The following DTWD2 variants were observed in gnomAD, a reference collection of about 807,000 sequenced individuals.
DTWD2 encodes DTW motif tRNA-uridine aminocarboxypropyltransferase 2.
Under a neutral mutation model 31.8 loss-of-function variants are expected in DTWD2, and 39 were observed. The ratio of observed to expected loss-of-function variants is 1.22; its 90% confidence interval spans 0.95 to 1.60. The LOEUF is 1.60. Ranked by LOEUF, DTWD2 falls within the 40% of genes most tolerant of loss-of-function variation. The pLI is 0.00. For synonymous variants in DTWD2, 180 were observed against 142.8 expected (o/e 1.26, Z -1.86); for missense variants, 515 against 381.5 (o/e 1.35, Z -2.92).
At chr5:118,900,033 C>CTGACCCAAAT (rs1427293658) in intron 4 of DTWD2, among the ~76,000 whole-genome samples, 2 of 152,042 alleles carry the variant, frequency 1.3e-5, no homozygotes, top group African/African-American at 4.8e-5. Context: ...TCTCAAATTC[C>CTGACCCAAAT]TGACCCAAAT....
chr5:118,878,193 C>A (rs551855532), intron 4 of DTWD2, among the ~76,000 whole-genome samples: 1 of 152,034 alleles, frequency 6.6e-6, no homozygotes. Context: ...AAAAAGAGCC[C>A]AAATAGCCAA....
chr5:118,905,008 A>G (rs1451831304), intron 4 of DTWD2, among the ~76,000 whole-genome samples: 1 of 152,142 alleles, frequency 6.6e-6, no homozygotes, highest in Non-Finnish European at 1.5e-5. Flanking sequence ...AGAAACTTCC[A>G]AAGCATATTT....
intron 4 of DTWD2, among the ~76,000 whole-genome samples, chr5:118,919,539 T>C (rs930335117): frequency 1.3e-5 from 2 of 152,238 alleles, no homozygotes; most frequent in Non-Finnish European, 2.9e-5. Context: ...AGGGGCCAAG[T>C]GTTCTATGCT....
intron 3 of DTWD2, among the ~76,000 whole-genome samples, chr5:118,930,044 A>G (rs1753888833): frequency 6.6e-6 from 1 of 152,238 alleles, no homozygotes; most frequent in African/African-American, 2.4e-5. Context: ...TCAAGATGAC[A>G]TAAAAGCATC....
chr5:118,893,498 T>C (rs1032697103), intron 4 of DTWD2, among the ~76,000 whole-genome samples: 5 of 151,574 alleles, frequency 3.3e-5, no homozygotes, highest in Non-Finnish European at 5.9e-5. Flanking sequence ...ATAGAGGATA[T>C]GTGGAAATAA....
At chr5:118,843,621 T>C (rs1305153948) in intron 5 of DTWD2, among the ~76,000 whole-genome samples, 1 of 152,196 alleles carries the variant, frequency 6.6e-6, no homozygotes, top group Non-Finnish European at 1.5e-5. Context: ...AACTGAAGAT[T>C]CTATTGATAT....
intron 1 of DTWD2, among the ~76,000 whole-genome samples, chr5:118,944,995 A>G (rs1039805638): frequency 1.3e-5 from 2 of 152,232 alleles, no homozygotes; most frequent in Non-Finnish European, 2.9e-5. Context: ...TCTCATATCA[A>G]AGAGAAACCT....
chr5:118,925,905 T>A (rs1753798465), intron 4 of DTWD2, among the ~76,000 whole-genome samples: 1 of 150,980 alleles, frequency 6.6e-6, no homozygotes, highest in Non-Finnish European at 1.5e-5. Context: ...CTACTGGGTA[T>A]TTACCCAAAG....
chr5:118,867,958 A>G (rs185979459), intron 4 of DTWD2, among the ~76,000 whole-genome samples: 1 of 152,310 alleles, frequency 6.6e-6, no homozygotes, highest in Admixed American at 6.5e-5. Context: ...AATAAACTGC[A>G]AATAGTCAAA....
chr5:118,846,909 C>G (rs1050896903), intron 5 of DTWD2, among the ~76,000 whole-genome samples: 1 of 138,632 alleles, frequency 7.2e-6, no homozygotes, highest in Non-Finnish European at 1.5e-5. Context: ...AAAGTCTACT[C>G]AAACACACAG....
intron 4 of DTWD2, among the ~76,000 whole-genome samples, chr5:118,866,306 A>G (rs917291597): frequency 3.3e-5 from 5 of 152,194 alleles, no homozygotes; most frequent in Admixed American, 1.3e-4. Flanking sequence ...TTTAAAAAAA[A>G]TCATCAAAAG....
intron 1 of DTWD2, among the ~76,000 whole-genome samples, chr5:118,948,920 C>A (rs1754398297): frequency 6.6e-6 from 1 of 152,032 alleles, no homozygotes. Context: ...AAGTACCTAA[C>A]CATGCTAGGA....
At chr5:118,882,956 T>C (rs771853040) in intron 4 of DTWD2, among the ~76,000 whole-genome samples, 3 of 152,194 alleles carry the variant, frequency 2.0e-5, no homozygotes, top group Non-Finnish European at 4.4e-5. Flanking sequence ...CCCCAGAAAA[T>C]GGGTTTTTGT....
rs1285508875 is a variant in DTWD2, at chr5:118,919,948, G to A, written c.597+8589C>T. On this transcript the variant is annotated intron_variant, in intron 4 of 5. Coordinates refer to ENST00000510708, the MANE Select transcript of DTWD2 (RefSeq NM_173666.4). Reference sequence around the variant, plus strand: ...GTTTGAAACAGTAGTAGAAAACTAGGATCCCCACCAATTAGTCTCCTTTCT... The same window carrying A: ...GTTTGAAACAGTAGTAGAAAACTAGAATCCCCACCAATTAGTCTCCTTTCT... 2.6e-5 allele frequency among the ~76,000 whole-genome samples: 4 copies of A among 151,990 alleles called. No individual in the cohort carries two copies. In the South Asian group the frequency reaches 8.3e-4, roughly 32 times the overall value.
rs1267778724 is a variant in DTWD2, at chr5:118,838,069, T to A, written c.*2848A>T. 6.6e-6 allele frequency: 1 copy of A among 152,196 alleles called. No homozygotes were observed. Among genetic ancestry groups the A allele is most frequent in the Non-Finnish European group, 1.5e-5 (1 of 68,040 alleles). The allele number at this position is 152,196 out of a possible 1,614,324, so 9.4% of individuals were successfully genotyped here. A position where few individuals can be genotyped will look rare whatever the true frequency, so the allele number is the denominator to read the frequency against. On this transcript the variant is annotated 3_prime_UTR_variant, in exon 6 of 6. Transcript: ENST00000510708. ...AAATAATTTTTTCCCAATATAATTC[T>A]CCTATTCCACATAAGTCTTATAATC... is the stretch of plus-strand genomic sequence containing the variant.
Position 118,854,514 on chromosome 5 carries a change from G to GA in DTWD2, c.598-6297dup, listed in dbSNP as rs144467780. Among the ~76,000 whole-genome samples the GA allele has an allele frequency of 4.9e-3, 716 of 147,504 alleles. 7 individuals are homozygous for GA. Among genetic ancestry groups the GA allele is most frequent in the African/African-American group, 0.016 (647 of 40,350 alleles). On this transcript the variant is annotated intron_variant, in intron 4 of 5. Coordinates refer to ENST00000510708, the MANE Select transcript of DTWD2 (RefSeq NM_173666.4). ...GTGACATTTTTAGAGCACTCATTTA[G>GA]AAAAAAAAAATTCTAAAGAGAATAA...
intron 4 of DTWD2, among the ~76,000 whole-genome samples, chr5:118,886,053 A>G (rs1752860909): frequency 6.6e-6 from 1 of 152,228 alleles, no homozygotes; most frequent in Admixed American, 6.5e-5. Context: ...CTACCTAATA[A>G]GCCAGACCCA....
At chr5:118,864,651 T>A (rs76755263) in intron 4 of DTWD2, among the ~76,000 whole-genome samples, 1 of 149,488 alleles carries the variant, frequency 6.7e-6, no homozygotes, top group Admixed American at 6.6e-5. Flanking sequence ...ATTTTTTTTT[T>A]ATTTTATTAT....
At chr5:118,922,058 T>C (rs529818975) in intron 4 of DTWD2, among the ~76,000 whole-genome samples, 34 of 152,360 alleles carry the variant, frequency 2.2e-4, no homozygotes, top group African/African-American at 8.2e-4. Flanking sequence ...AATATGTTTA[T>C]GAAGAAAGCC....
Sources: gnomAD v4.1 joint callset for allele counts (sites outside exome capture counted in the v4.1 genomes callset) on GRCh38, gnomAD v4.1.1 for gene constraint, MANE v1.5 for transcripts, NCBI Gene and HGNC (gene_info 2026-07-23, HGNC 2026-07-21) for gene names.